CACNA1C: variants seen among roughly 807,000 people sequenced by gnomAD.
The protein encoded by CACNA1C is calcium voltage-gated channel subunit alpha1 C.
A neutral mutation model predicts 229.0 loss-of-function variants in CACNA1C; 30 were observed. The ratio of observed to expected loss-of-function variants is 0.13; its 90% confidence interval spans 0.10 to 0.18. CACNA1C has a LOEUF of 0.18. CACNA1C is among the 10% of genes least tolerant of loss of function. CACNA1C has a pLI of 1.00. For synonymous variants in CACNA1C, 1,114 were observed against 1,132.5 expected (o/e 0.98, Z 0.33); for missense variants, 1,658 against 2,845.0 (o/e 0.58, Z 9.49).
At chr12:2,049,636 G>A (rs757231460), upstream of CACNA1C, among the ~76,000 whole-genome samples, 3 of 152,194 alleles carry the variant, frequency 2.0e-5, no homozygotes, top group African/African-American at 7.2e-5. Context: ...AATGTAGTAA[G>A]GAAGAGGAGA....
At chr12:2,652,502 G>A (rs943520347) in intron 32 of CACNA1C, among the ~76,000 whole-genome samples, 23 of 152,378 alleles carry the variant, frequency 1.5e-4, no homozygotes, top group East Asian at 7.7e-4. Context: ...CTGGCGGAAC[G>A]CAGGCTTCTC....
chr12:2,056,408 C>T (rs865806898), intron 1 of CACNA1C, among the ~76,000 whole-genome samples: 7 of 152,060 alleles, frequency 4.6e-5, no homozygotes, highest in East Asian at 1.9e-4. Context: ...TTTTCTGGGC[C>T]GATTTTCTAT....
chr12:1,990,893 C>T (rs560846939), intron 1 of CACNA1C, among the ~76,000 whole-genome samples: 3 of 151,948 alleles, frequency 2.0e-5, no homozygotes, highest in African/African-American at 7.2e-5. Context: ...CTTCTGTGTA[C>T]CTTTGATGCC....
chr12:2,113,969 CTG>C (rs1196906100), intron 1 of CACNA1C, among the ~76,000 whole-genome samples: 1 of 152,244 alleles, frequency 6.6e-6, no homozygotes, highest in African/African-American at 2.4e-5. Context: ...CTTCCTGACA[CTG>C]TCCCTCTCCC....
chr12:2,547,961 A>G (rs1315188589), intron 9 of CACNA1C, among the ~76,000 whole-genome samples: 1 of 152,224 alleles, frequency 6.6e-6, no homozygotes, highest in Non-Finnish European at 1.5e-5. Context: ...GTACTCACAC[A>G]TAAGGCTCTG....
chr12:2,607,238 A>T, intron 26 of CACNA1C, 108 bp downstream of exon 26: 1 of 1,181,606 alleles, frequency 8.5e-7, no homozygotes, highest in Non-Finnish European at 1.2e-6. Flanking sequence ...TCTGGAGGTC[A>T]TATTTACCTG....
chr12:2,677,461 T>C lies in CACNA1C; in HGVS notation c.4956+240T>C. The C allele has an allele frequency of 1.6e-6, 1 of 614,428 alleles. No individual in the cohort carries two copies. The highest frequency in any genetic ancestry group is 2.8e-6 in the Non-Finnish European group (1 of 354,022). The allele number at this position is 614,428 out of a possible 1,614,324, so 38.1% of individuals were successfully genotyped here. On this transcript the variant is annotated intron_variant, in intron 40 of 46. Coordinates refer to ENST00000399655, the MANE Select transcript of CACNA1C (RefSeq NM_000719.7). The surrounding 1 kb of genome is among the most constrained non-coding windows in gnomAD (Gnocchi z 7.4). ...CCTGCTGTCATAGCCCCCAGATCTC[T>C]CAAATACTTCACTGAGGCTCCCGTG...
chr12:2,510,167 C>T (rs980045533), intron 8 of CACNA1C, among the ~76,000 whole-genome samples: 61 of 152,324 alleles, frequency 4.0e-4, no homozygotes, highest in African/African-American at 1.2e-3. Context: ...ATTGTCTTGC[C>T]GGCTTCAGTC....
chr12:2,406,067 T>A (rs1009716792), intron 3 of CACNA1C, among the ~76,000 whole-genome samples: 5 of 152,234 alleles, frequency 3.3e-5, no homozygotes, highest in African/African-American at 1.2e-4. Context: ...ATTAGGCACT[T>A]GCAAAATGGT....
chr12:2,439,212 G>A (rs1265166021), intron 3 of CACNA1C, among the ~76,000 whole-genome samples: 2 of 152,336 alleles, frequency 1.3e-5, no homozygotes, highest in East Asian at 1.9e-4. Flanking sequence ...CCCTGGGCAG[G>A]TGGCTGGCCT....
intron 3 of CACNA1C, among the ~76,000 whole-genome samples, chr12:2,182,325 T>C (rs2096867112): frequency 1.3e-5 from 2 of 152,074 alleles, no homozygotes; most frequent in African/African-American, 4.8e-5. Flanking sequence ...TCATGCACCC[T>C]GGGGTGGGTA....
At chr12:2,540,220 G>A (rs2154589985) in intron 9 of CACNA1C, among the ~76,000 whole-genome samples, 1 of 152,290 alleles carries the variant, frequency 6.6e-6, no homozygotes, top group Admixed American at 6.5e-5. Flanking sequence ...AGGAGAGTGG[G>A]TCTGAGGACA....
chr12:2,552,928 A>G (rs976124865), intron 10 of CACNA1C, among the ~76,000 whole-genome samples: 2 of 152,200 alleles, frequency 1.3e-5, no homozygotes, highest in Non-Finnish European at 2.9e-5. Flanking sequence ...AAGACAAGGA[A>G]GAAGTCACGG....
chr12:2,183,003 C>A (rs913555622), intron 3 of CACNA1C, among the ~76,000 whole-genome samples: 2 of 152,110 alleles, frequency 1.3e-5, no homozygotes, highest in African/African-American at 2.4e-5. Flanking sequence ...TCACTTCCCC[C>A]AGATGATCTT....
intron 1 of CACNA1C, among the ~76,000 whole-genome samples, chr12:2,000,930 T>C (rs1200307177): frequency 6.6e-6 from 1 of 151,404 alleles, no homozygotes; most frequent in Non-Finnish European, 1.5e-5. Context: ...CTGGATACTC[T>C]GGAGGCTGAG....
intron 29 of CACNA1C, among the ~76,000 whole-genome samples, chr12:2,621,425 T>C (rs2083185294): frequency 6.6e-6 from 1 of 151,860 alleles, no homozygotes; most frequent in African/African-American, 2.4e-5. Context: ...AAACTGAGAG[T>C]GGCGCGTGAA....
At chr12:2,188,967 C>G (rs189646124) in intron 3 of CACNA1C, among the ~76,000 whole-genome samples, 6 of 152,000 alleles carry the variant, frequency 3.9e-5, no homozygotes, top group African/African-American at 1.4e-4. Flanking sequence ...GTGGCGGGTG[C>G]CTGTAGTCCC....
intron 3 of CACNA1C, among the ~76,000 whole-genome samples, chr12:2,180,547 C>A (rs1324842785): frequency 6.6e-6 from 1 of 152,234 alleles, no homozygotes; most frequent in African/African-American, 2.4e-5. Context: ...TTCCCCACTT[C>A]TCTTGTTTAG....
At chr12:2,438,262 G>A in intron 3 of CACNA1C, among the ~76,000 whole-genome samples, 1 of 145,862 alleles carries the variant, frequency 6.9e-6, no homozygotes, top group Admixed American at 6.8e-5. Flanking sequence ...TGATGGTGAT[G>A]GTGGTGGTGG....
Sources: gnomAD v4.1 joint callset for allele counts (sites outside exome capture counted in the v4.1 genomes callset) on GRCh38, gnomAD v4.1.1 for gene constraint, Gnocchi (gnomAD v3.1) non-coding constraint, MANE v1.5 for transcripts, NCBI Gene and HGNC (gene_info 2026-07-23, HGNC 2026-07-21) for gene names.